Variants in SETBP1 observed in about 807,000 individuals in gnomAD.
The protein encoded by SETBP1 is SET-binding protein.
Under a neutral mutation model 101.0 loss-of-function variants are expected in SETBP1, and 9 were observed. The ratio of observed to expected loss-of-function variants is 0.09; its 90% confidence interval spans 0.05 to 0.16. SETBP1 has a LOEUF of 0.16. Among genes scored for constraint, SETBP1 ranks in the 10% least tolerant of loss-of-function variants. SETBP1 has a pLI of 1.00. For missense variants in SETBP1, 1,858 were observed against 2,033.8 expected, an observed-to-expected ratio of 0.91 and a Z score of 1.66; for synonymous variants, 818 against 788.5, an observed-to-expected ratio of 1.04 and a Z score of -0.63.
In SETBP1 at chr18:44,958,079, A is replaced by G. The variant is rs369924425; in HGVS notation, c.4000+4739A>G. Among the ~76,000 whole-genome samples, 14 of 152,334 alleles carry G rather than the reference A, an allele frequency of 9.2e-5. 1 individual carries two copies. The highest frequency in any genetic ancestry group is 2.9e-4 in the African/African-American group (12 of 41,586). ...CTGTTTTTTGACTTTCAGTTTTCCAAAATGGGACTATGACCATAAAGGTTC... is the reference window on the plus strand; with the variant it reads ...CTGTTTTTTGACTTTCAGTTTTCCAGAATGGGACTATGACCATAAAGGTTC... On this transcript the variant is annotated intron_variant, in intron 4 of 5. Transcript: ENST00000649279.
At chr18:44,977,925 CA>C (rs1193987856) in intron 4 of SETBP1, among the ~76,000 whole-genome samples, 4 of 152,174 alleles carry the variant, frequency 2.6e-5, no homozygotes, top group Non-Finnish European at 5.9e-5. Flanking sequence ...ACTTCCCCAA[CA>C]GTTTTCATCT....
chr18:44,803,067 GAGA>G (rs2071641341), intron 2 of SETBP1, among the ~76,000 whole-genome samples: 1 of 152,144 alleles, frequency 6.6e-6, no homozygotes, highest in Non-Finnish European at 1.5e-5. Context: ...CAGAAAACCA[GAGA>G]AGGTCTCGGG....
intron 3 of SETBP1, among the ~76,000 whole-genome samples, chr18:44,909,796 A>G (rs2070261407): frequency 6.6e-6 from 1 of 152,204 alleles, no homozygotes; most frequent in African/African-American, 2.4e-5. Flanking sequence ...TATGTCCAGG[A>G]TTGATCCGAG....
At position 44,734,453 on chromosome 18, in the gene SETBP1, GA is replaced by G. The variant is rs557682253; in HGVS notation, c.486+32624del. Among the ~76,000 whole-genome samples the G allele has an allele frequency of 8.5e-5, 13 of 152,226 alleles. No homozygotes were observed. In the South Asian group the frequency reaches 2.5e-3, roughly 29 times the overall value. ...CCATTGTTCTTGCAAGACATAAAAA[GA>G]AAGTGAAAAAATTTAGTTTGACATT... On this transcript the variant is annotated intron_variant, in intron 2 of 5. Coordinates refer to ENST00000649279, the MANE Select transcript of SETBP1 (RefSeq NM_015559.3).
intron 2 of SETBP1, among the ~76,000 whole-genome samples, chr18:44,720,043 G>T (rs1170402533): frequency 6.6e-6 from 1 of 152,164 alleles, no homozygotes; most frequent in East Asian, 1.9e-4. Flanking sequence ...GCGCGCATTG[G>T]TTTGCATGTT....
chr18:44,681,637 G>T (rs1034513110), intron 1 of SETBP1, among the ~76,000 whole-genome samples: 2 of 147,774 alleles, frequency 1.4e-5, no homozygotes, highest in Non-Finnish European at 3.0e-5. Context: ...ATTGAAAGTT[G>T]TGCAATTGGA....
chr18:44,918,978 G>A (rs1440219397), intron 3 of SETBP1, among the ~76,000 whole-genome samples: 1 of 152,178 alleles, frequency 6.6e-6, no homozygotes, highest in Non-Finnish European at 1.5e-5. Context: ...TTTGGATTCT[G>A]CTGGAGATAA....
chr18:45,063,140 G>C lies in SETBP1; in HGVS notation c.4233G>C (p.Val1411=). The change falls in exon 6 of 6, where the codon GTG becomes GTC. Residue 1411 remains valine (V), a synonymous_variant. Coordinates refer to ENST00000649279, the MANE Select transcript of SETBP1 (RefSeq NM_015559.3). The part of the protein sequence containing the change: ...RREIEAIQCE[V]RKMCNYTKIL... ...AGATCGAAGCCATCCAGTGCGAAGT[G>C]CGGAAGATGTGCAACTACACCAAGA... 1 of 1,613,974 alleles carries C rather than the reference G, an allele frequency of 6.2e-7. No individual in the cohort carries two copies. Among genetic ancestry groups the C allele is most frequent in the Non-Finnish European group, 8.5e-7 (1 of 1,180,000 alleles).
intron 2 of SETBP1, among the ~76,000 whole-genome samples, chr18:44,848,161 C>T (rs1328403265): frequency 6.6e-6 from 1 of 151,798 alleles, no homozygotes; most frequent in African/African-American, 2.4e-5. Flanking sequence ...TTGTAAACTA[C>T]TGGGTAAGAA....
intron 4 of SETBP1, chr18:44,986,896 T>TAGTATAGTATAGTATAGTA (rs1277866464): frequency 4.2e-5 from 6 of 143,708 alleles, no homozygotes; most frequent in Non-Finnish European, 6.1e-5. Flanking sequence ...ATAACAATAG[T>TAGTATAGTATAGTATAGTA]TAGTATAGTA....
rs1460671790 is a variant in SETBP1, at chr18:44,995,527, TTTTGTGTGTGTG to T, written c.4000+42189_4000+42200del. Among the ~76,000 whole-genome samples the T allele has an allele frequency of 2.6e-4, 28 of 107,166 alleles. No homozygotes were observed. The Admixed American group carries it at 3.0e-3, about 12-fold the overall frequency. The allele number at this position is 107,166 out of a possible 152,430, so 70.3% of individuals were successfully genotyped here. ...ATTTTTAAAATGTACATGTCCAGGC[TTTTGTGTGTGTG>T]TGTGTGTGTGTGTGTGTGTGTGTGT... On this transcript the variant is annotated intron_variant, in intron 4 of 5. Transcript: ENST00000649279.
At chr18:44,882,683 G>A (rs2069557632) in intron 3 of SETBP1, among the ~76,000 whole-genome samples, 2 of 152,108 alleles carry the variant, frequency 1.3e-5, no homozygotes, top group African/African-American at 4.8e-5. Context: ...TCACAAGGAT[G>A]GGTCAGGTCC....
At chr18:45,062,120 T>A (rs1438912271) in intron 5 of SETBP1, among the ~76,000 whole-genome samples, 3 of 152,242 alleles carry the variant, frequency 2.0e-5, no homozygotes, top group African/African-American at 7.2e-5. Flanking sequence ...AATGGTTGGC[T>A]ATATCTTGAA....
chr18:45,036,838 A>T (rs2073407528), intron 4 of SETBP1, among the ~76,000 whole-genome samples: 1 of 152,206 alleles, frequency 6.6e-6, no homozygotes, highest in African/African-American at 2.4e-5. Context: ...GACTGGGGTC[A>T]TGATCAGGTA....
intron 3 of SETBP1, chr18:44,870,201 G>C (rs1489059658): frequency 3.9e-5 from 6 of 152,234 alleles, no homozygotes; most frequent in Admixed American, 2.6e-4. Context: ...GGAATTTCAT[G>C]TATTTGGGCA....
At chr18:44,853,217 T>C (rs567025484) in intron 2 of SETBP1, among the ~76,000 whole-genome samples, 1 of 152,294 alleles carries the variant, frequency 6.6e-6, no homozygotes, top group African/African-American at 2.4e-5. Flanking sequence ...TTGCCCATGG[T>C]AATAGCCAAA....
chr18:44,793,873 C>T (rs2071415501), intron 2 of SETBP1, among the ~76,000 whole-genome samples: 1 of 152,178 alleles, frequency 6.6e-6, no homozygotes, highest in African/African-American at 2.4e-5. Context: ...CTCTGTTGAG[C>T]TTCTTGTGGG....
chr18:44,904,269 T>C (rs1160246610), intron 3 of SETBP1, among the ~76,000 whole-genome samples: 2 of 152,228 alleles, frequency 1.3e-5, no homozygotes, highest in Non-Finnish European at 2.9e-5. Flanking sequence ...ATAAGATTTC[T>C]AGTTTTCTGA....
intron 3 of SETBP1, among the ~76,000 whole-genome samples, chr18:44,874,185 G>A (rs2144704736): frequency 6.6e-6 from 1 of 152,204 alleles, no homozygotes; most frequent in Admixed American, 6.5e-5. Context: ...ACAAATAAGG[G>A]CTTTTATAGA....
Sources: allele counts gnomAD v4.1 joint callset (sites outside exome capture counted in the v4.1 genomes callset), GRCh38; gene constraint gnomAD v4.1.1; transcripts MANE v1.5; gene names NCBI Gene and HGNC (gene_info 2026-07-23, HGNC 2026-07-21).